DNAAF9: variants seen among roughly 807,000 people sequenced by gnomAD.
DNAAF9 encodes shulin.
Under a neutral mutation model 167.0 loss-of-function variants are expected in DNAAF9, and 90 were observed. The observed-to-expected ratio is 0.54, with a 90% CI of 0.45 to 0.64. The LOEUF is 0.64. Among genes scored for constraint, DNAAF9 ranks in the 30% least tolerant of loss-of-function variants. The probability of loss-of-function intolerance (pLI) is 0.00; values close to 1 mark genes in which losing one functional copy is unlikely to be tolerated. For synonymous variants in DNAAF9, 491 were observed against 508.8 expected (o/e 0.96, Z 0.47); for missense variants, 1,315 against 1,442.2 (o/e 0.91, Z 1.43).
intron 26 of DNAAF9, among the ~76,000 whole-genome samples, chr20:3,289,855 T>C (rs1273022511): frequency 1.3e-5 from 2 of 152,192 alleles, no homozygotes; most frequent in East Asian, 1.9e-4. Flanking sequence ...CACTAGTTAA[T>C]ATACTTTTCC....
Position 3,382,476 on chromosome 20 carries a change from G to GA in DNAAF9, c.113dup (p.Leu39ProfsTer20). 1 of 1,613,992 alleles carries GA rather than the reference G, an allele frequency of 6.2e-7. No homozygotes were observed. Among genetic ancestry groups the GA allele is most frequent in the Non-Finnish European group, 8.5e-7 (1 of 1,179,884 alleles). On this transcript the variant is annotated frameshift_variant, in exon 2 of 37. Transcript: ENST00000252032. LOFTEE classifies it high-confidence loss of function. ...GCCGAGACTTGCTGCTCTGGGTCAG[G>GA]ATGCTCTGAACCTGCCGAAGTCGAC...
chr20:3,274,891 T>C (rs2068652603), intron 29 of DNAAF9, among the ~76,000 whole-genome samples: 1 of 152,196 alleles, frequency 6.6e-6, no homozygotes, highest in Non-Finnish European at 1.5e-5. Context: ...GTGGTTTAGA[T>C]GGGGGGCAAG....
intron 7 of DNAAF9, among the ~76,000 whole-genome samples, chr20:3,349,593 C>T (rs1280731123): frequency 3.3e-5 from 5 of 152,096 alleles, no homozygotes; most frequent in Admixed American, 2.0e-4. Flanking sequence ...TTTCTAGTAG[C>T]CACATGAGCA....
chr20:3,252,777 G>A, intron 36 of DNAAF9, 93 bp from the exon 37 acceptor site: 4 of 767,992 alleles, frequency 5.2e-6, no homozygotes, highest in Non-Finnish European at 7.1e-6. Flanking sequence ...AGGGGGGTTT[G>A]CTGAGGAAGT....
intron 1 of DNAAF9, among the ~76,000 whole-genome samples, chr20:3,390,303 G>A (rs995985793): frequency 3.3e-5 from 5 of 151,378 alleles, no homozygotes; most frequent in East Asian, 1.9e-4. Context: ...AACCACATAC[G>A]GCAAAATGTT....
intron 10 of DNAAF9, among the ~76,000 whole-genome samples, chr20:3,334,434 T>C (rs191026521): frequency 1.9e-3 from 286 of 152,354 alleles, no homozygotes; most frequent in African/African-American, 6.6e-3. Context: ...GACAGCTCTT[T>C]TCTTTTTATC....
chr20:3,273,070 A>T (rs186286980), intron 29 of DNAAF9, among the ~76,000 whole-genome samples: 149 of 152,230 alleles, frequency 9.8e-4, no homozygotes, highest in African/African-American at 3.5e-3. Context: ...ACCTCAGGTG[A>T]TCCACCCGCC....
At chr20:3,325,548 A>G (rs2069695291) in intron 13 of DNAAF9, among the ~76,000 whole-genome samples, 2 of 152,228 alleles carry the variant, frequency 1.3e-5, no homozygotes, top group South Asian at 4.1e-4. Flanking sequence ...TGGTGACTAC[A>G]GCTACAGTCT....
chr20:3,322,872 T>C (rs2069641329), intron 14 of DNAAF9, among the ~76,000 whole-genome samples, 176 bp from the exon 15 acceptor site: 1 of 152,024 alleles, frequency 6.6e-6, no homozygotes, highest in Non-Finnish European at 1.5e-5. Flanking sequence ...CACCAGCAGG[T>C]ATGAGGCCAG....
chr20:3,318,173 A>T, intron 17 of DNAAF9, 116 bp downstream of exon 17: 1 of 537,100 alleles, frequency 1.9e-6, no homozygotes, highest in Non-Finnish European at 3.4e-6. Flanking sequence ...TGTGATCATC[A>T]GTTCTAATAT....
intron 6 of DNAAF9, among the ~76,000 whole-genome samples, chr20:3,363,267 CT>C (rs1013989186): frequency 7.2e-6 from 1 of 139,814 alleles, no homozygotes; most frequent in Non-Finnish European, 1.5e-5. Flanking sequence ...GCAAAGCAAA[CT>C]TTTTTGTTTT....
At chr20:3,278,402 T>C (rs1019566457) in intron 29 of DNAAF9, among the ~76,000 whole-genome samples, 1 of 152,104 alleles carries the variant, frequency 6.6e-6, no homozygotes, top group African/African-American at 2.4e-5. Flanking sequence ...AGGAGAGGTA[T>C]TACTGTGGCA....
intron 21 of DNAAF9, among the ~76,000 whole-genome samples, chr20:3,298,832 A>C (rs560374657): frequency 1.3e-5 from 2 of 152,112 alleles, no homozygotes; most frequent in South Asian, 2.1e-4. Context: ...TATCACATTC[A>C]AGAAATCATT....
intron 32 of DNAAF9, 144 bp from the exon 33 acceptor site, chr20:3,259,698 C>G (rs1008429640): frequency 1.4e-6 from 1 of 723,372 alleles, no homozygotes; most frequent in African/African-American, 1.7e-5. Context: ...CACCCTGTTG[C>G]TCCCCTGTGG....
chr20:3,365,178 T>C (rs144049571), intron 6 of DNAAF9, among the ~76,000 whole-genome samples: 144 of 152,230 alleles, frequency 9.5e-4, no homozygotes, highest in African/African-American at 3.4e-3. Flanking sequence ...TAATGTTATG[T>C]TGCTCAGACT....
chr20:3,281,328 C>T (rs1372182363), intron 28 of DNAAF9, among the ~76,000 whole-genome samples: 4 of 152,198 alleles, frequency 2.6e-5, no homozygotes, highest in Non-Finnish European at 5.9e-5. Context: ...CGCACCTGGC[C>T]TTAAATTATT....
intron 20 of DNAAF9, among the ~76,000 whole-genome samples, chr20:3,310,371 AAG>A (rs1481954446): frequency 6.6e-6 from 1 of 151,354 alleles, no homozygotes; most frequent in Non-Finnish European, 1.5e-5. Flanking sequence ...GAAAGAAAGA[AAG>A]AAAGAAAGAA....
intron 1 of DNAAF9, among the ~76,000 whole-genome samples, chr20:3,399,381 T>C (rs1336086891): frequency 1.3e-5 from 2 of 152,058 alleles, no homozygotes; most frequent in Admixed American, 1.3e-4. Context: ...GGCTAATTTC[T>C]GTATTTTTAG....
At chr20:3,391,880 T>A (rs1441525129) in intron 1 of DNAAF9, among the ~76,000 whole-genome samples, 1 of 152,168 alleles carries the variant, frequency 6.6e-6, no homozygotes, top group Admixed American at 6.5e-5. Flanking sequence ...CGCCTGGCTG[T>A]CTTTTTTCCT....
Sources: gnomAD v4.1 joint callset for allele counts (sites outside exome capture counted in the v4.1 genomes callset) on GRCh38, gnomAD v4.1.1 for gene constraint, MANE v1.5 for transcripts, NCBI Gene and HGNC (gene_info 2026-07-23, HGNC 2026-07-21) for gene names.